FSTL5: variants seen among roughly 807,000 people sequenced by gnomAD.
FSTL5 encodes the protein follistatin like 5.
Under a neutral mutation model 89.1 loss-of-function variants are expected in FSTL5, and 62 were observed. The ratio of observed to expected loss-of-function variants is 0.70; its 90% CI spans 0.57 to 0.86. The LOEUF is 0.86. Ranked by LOEUF, FSTL5 falls within the 40% of genes least tolerant of loss-of-function variation. FSTL5 has a pLI of 0.00. For missense variants in FSTL5, 1,057 were observed against 1,001.6 expected (o/e 1.06, Z -0.75); for synonymous variants, 383 against 346.2 (o/e 1.11, Z -1.18).
intron 9 of FSTL5, among the ~76,000 whole-genome samples, chr4:161,540,461 A>C (rs991692695): frequency 6.6e-5 from 10 of 152,154 alleles, no homozygotes; most frequent in African/African-American, 1.9e-4. Flanking sequence ...AATAGAAGTG[A>C]TCAGAAAGCA....
chr4:161,621,061 C>T (rs921254717), intron 7 of FSTL5, among the ~76,000 whole-genome samples: 2 of 151,984 alleles, frequency 1.3e-5, no homozygotes, highest in Admixed American at 1.3e-4. Context: ...CAGTATACTC[C>T]AAAACTGGAG....
chr4:161,728,245 C>T (rs1261644339), intron 6 of FSTL5, among the ~76,000 whole-genome samples: 1 of 152,056 alleles, frequency 6.6e-6, no homozygotes, highest in Non-Finnish European at 1.5e-5. Context: ...GTTGAGAATT[C>T]TTGAAACAGA....
chr4:161,454,544 A>G, intron 15 of FSTL5, among the ~76,000 whole-genome samples: 1 of 152,196 alleles, frequency 6.6e-6, no homozygotes. Flanking sequence ...TTACAATATG[A>G]TCAAAAAATG....
chr4:161,589,166 T>TTGTA (rs1403432233), intron 7 of FSTL5, among the ~76,000 whole-genome samples: 7 of 149,838 alleles, frequency 4.7e-5, no homozygotes, highest in Non-Finnish European at 8.9e-5. Context: ...TTGTTGGTTT[T>TTGTA]TGTTTGTTTG....
At chr4:161,812,959 T>C (rs1208675642) in intron 4 of FSTL5, among the ~76,000 whole-genome samples, 1 of 142,698 alleles carries the variant, frequency 7.0e-6, no homozygotes, top group African/African-American at 2.5e-5. Flanking sequence ...CTCAGGTCAC[T>C]GATAACATGT....
At chr4:161,620,087 G>A (rs1735063258) in intron 7 of FSTL5, among the ~76,000 whole-genome samples, 1 of 149,398 alleles carries the variant, frequency 6.7e-6, no homozygotes, top group Non-Finnish European at 1.5e-5. Flanking sequence ...ACTATCGCAA[G>A]AAGAAAAAAA....
intron 4 of FSTL5, among the ~76,000 whole-genome samples, chr4:161,883,310 C>T (rs2126913036): frequency 6.6e-6 from 1 of 152,268 alleles, no homozygotes; most frequent in South Asian, 2.1e-4. Context: ...AAGCTCTATT[C>T]ACTCAAAAAC....
At chr4:161,696,911 T>C (rs537205959) in intron 6 of FSTL5, among the ~76,000 whole-genome samples, 1 of 152,356 alleles carries the variant, frequency 6.6e-6, no homozygotes, top group East Asian at 1.9e-4. Flanking sequence ...ACTGTTTGAC[T>C]TTTTCTTTAC....
chr4:161,480,450 C>T (rs1440151113), intron 13 of FSTL5, among the ~76,000 whole-genome samples: 1 of 152,200 alleles, frequency 6.6e-6, no homozygotes, highest in Non-Finnish European at 1.5e-5. Context: ...TGGGCTGCAG[C>T]AGTCAGTGGC....
intron 6 of FSTL5, among the ~76,000 whole-genome samples, chr4:161,729,679 C>T (rs1739540812): frequency 6.6e-6 from 1 of 152,198 alleles, no homozygotes; most frequent in African/African-American, 2.4e-5. Context: ...CACTACCTCC[C>T]TCAGCTTTGA....
chr4:161,981,968 A>AT (rs1192115804), intron 3 of FSTL5, among the ~76,000 whole-genome samples: 2 of 152,198 alleles, frequency 1.3e-5, no homozygotes, highest in African/African-American at 4.8e-5. Flanking sequence ...AAGAGATAAT[A>AT]TTTTGGGAAA....
At chr4:161,717,364 T>C (rs945403619) in intron 6 of FSTL5, among the ~76,000 whole-genome samples, 2 of 152,202 alleles carry the variant, frequency 1.3e-5, no homozygotes, top group Non-Finnish European at 2.9e-5. Flanking sequence ...ATAGCTGGTT[T>C]CAGTGTCAGT....
chr4:162,011,130 T>C (rs1736755092), intron 3 of FSTL5, among the ~76,000 whole-genome samples: 2 of 152,232 alleles, frequency 1.3e-5, no homozygotes, highest in East Asian at 1.9e-4. Context: ...GAAGTGTACA[T>C]GGCAGCGAAA....
chr4:162,136,196 A>G (rs1423156492), intron 1 of FSTL5, among the ~76,000 whole-genome samples: 2 of 152,130 alleles, frequency 1.3e-5, no homozygotes, highest in Non-Finnish European at 2.9e-5. Context: ...TATTTTCTAC[A>G]TAATGAATAT....
chr4:161,598,102 T>A (rs566676877), intron 7 of FSTL5, among the ~76,000 whole-genome samples: 1 of 152,152 alleles, frequency 6.6e-6, no homozygotes, highest in Non-Finnish European at 1.5e-5. Flanking sequence ...CTGGGCACAA[T>A]AGCTCATGGC....
intron 15 of FSTL5, among the ~76,000 whole-genome samples, chr4:161,449,309 A>C (rs891098800): frequency 6.6e-6 from 1 of 152,164 alleles, no homozygotes; most frequent in Non-Finnish European, 1.5e-5. Flanking sequence ...TAAGTATATC[A>C]ATTTCCTAAC....
At chr4:162,094,065 G>T (rs1172303718) in intron 2 of FSTL5, among the ~76,000 whole-genome samples, 2 of 152,066 alleles carry the variant, frequency 1.3e-5, no homozygotes, top group Admixed American at 6.6e-5. Flanking sequence ...CAAATATGCT[G>T]GCACAAACAC....
At chr4:161,640,114 C>A (rs894392739) in intron 7 of FSTL5, among the ~76,000 whole-genome samples, 2 of 152,100 alleles carry the variant, frequency 1.3e-5, no homozygotes, top group Admixed American at 1.3e-4. Context: ...AAATTTATAT[C>A]TCAGACAGAT....
intron 11 of FSTL5, among the ~76,000 whole-genome samples, chr4:161,506,493 T>C (rs987527252): frequency 5.9e-5 from 9 of 152,314 alleles, no homozygotes; most frequent in Admixed American, 5.2e-4. Flanking sequence ...AGTTCTTTAG[T>C]GGCGATTTGT....
Sources: gnomAD v4.1 joint callset for allele counts (sites outside exome capture counted in the v4.1 genomes callset) on GRCh38, gnomAD v4.1.1 for gene constraint, MANE v1.5 for transcripts, NCBI Gene and HGNC (gene_info 2026-07-23, HGNC 2026-07-21) for gene names.